The following DSCAM variants were observed in gnomAD, a reference collection of about 807,000 sequenced individuals.
DSCAM encodes the protein cell adhesion molecule DSCAM.
A neutral mutation model predicts 217.7 loss-of-function variants in DSCAM; 47 were observed. That is an observed-to-expected ratio of 0.22 (90% confidence interval 0.17 to 0.28). The LOEUF (loss-of-function observed/expected upper bound fraction) is 0.28. Ranked by LOEUF, DSCAM falls within the 10% of genes least tolerant of loss-of-function variation. The pLI, the probability that DSCAM is intolerant of heterozygous loss-of-function variation, is 1.00. For missense variants in DSCAM, 2,080 were observed against 2,618.3 expected (o/e 0.79, Z 4.49); for synonymous variants, 1,056 against 1,015.3 (o/e 1.04, Z -0.76).
At chr21:40,119,113 A>G (rs1345867202) in intron 20 of DSCAM, among the ~76,000 whole-genome samples, 1 of 152,220 alleles carries the variant, frequency 6.6e-6, no homozygotes, top group African/African-American at 2.4e-5. Context: ...TGAAAGAAAA[A>G]TAAAACCATT....
chr21:40,094,233 C>T (rs2089648875), intron 20 of DSCAM, among the ~76,000 whole-genome samples: 1 of 152,154 alleles, frequency 6.6e-6, no homozygotes, highest in African/African-American at 2.4e-5. Flanking sequence ...AAGCATTGCA[C>T]ATCAGGTAAT....
chr21:40,625,411 C>T (rs2089587089), intron 3 of DSCAM, among the ~76,000 whole-genome samples: 2 of 152,034 alleles, frequency 1.3e-5, no homozygotes, highest in Non-Finnish European at 1.5e-5. Flanking sequence ...CAACAAAGGC[C>T]CACCATCCTG....
At chr21:40,372,688 T>C (rs1364909696) in intron 3 of DSCAM, among the ~76,000 whole-genome samples, 1 of 152,204 alleles carries the variant, frequency 6.6e-6, no homozygotes, top group African/African-American at 2.4e-5. Context: ...TATCCAGCTG[T>C]TATATGTTAC....
intron 1 of DSCAM, among the ~76,000 whole-genome samples, chr21:40,806,678 C>G (rs2091790432): frequency 6.6e-6 from 1 of 152,176 alleles, no homozygotes; most frequent in African/African-American, 2.4e-5. Flanking sequence ...TATTGCGGCA[C>G]TGTTCACAAT....
intron 3 of DSCAM, among the ~76,000 whole-genome samples, chr21:40,374,256 C>T (rs370305994): frequency 8.6e-4 from 131 of 152,212 alleles, no homozygotes; most frequent in African/African-American, 3.0e-3. Flanking sequence ...CTAGTAAATG[C>T]CATGTTTGTT....
chr21:40,095,469 C>T (rs943263350), intron 20 of DSCAM, among the ~76,000 whole-genome samples: 1 of 152,134 alleles, frequency 6.6e-6, no homozygotes. Flanking sequence ...ATTTGTGATT[C>T]TCTTCATTTA....
chr21:40,084,763 T>C (rs948769156), intron 23 of DSCAM, among the ~76,000 whole-genome samples: 1 of 152,146 alleles, frequency 6.6e-6, no homozygotes, highest in South Asian at 2.1e-4. Context: ...TATATTGACC[T>C]ATCTCTTCAG....
intron 3 of DSCAM, among the ~76,000 whole-genome samples, chr21:40,683,445 GA>G (rs1211754577): frequency 6.6e-6 from 1 of 152,088 alleles, no homozygotes; most frequent in Admixed American, 6.5e-5. Context: ...AAAGAAAAAA[GA>G]AAGAAGGAAG....
In DSCAM at chr21:40,429,029, G is replaced by C. The variant is rs531317568; in HGVS notation, c.509-59784C>G. On this transcript the variant is annotated intron_variant, in intron 3 of 32. Transcript: ENST00000400454. ...GAGTACATACTGTATAGGAGGCTCT[G>C]AGCTTGCTAGGCAAGGGAGATGAAC... Among the ~76,000 whole-genome samples, 22 of 151,546 alleles carry C rather than the reference G, an allele frequency of 1.5e-4. 2 individuals carry two copies. The South Asian group carries it at 3.9e-3, about 27-fold the overall frequency.
chr21:40,403,713 C>T (rs1206293200), intron 3 of DSCAM, among the ~76,000 whole-genome samples: 1 of 151,480 alleles, frequency 6.6e-6, no homozygotes, highest in Non-Finnish European at 1.5e-5. Flanking sequence ...CATGAGGCTA[C>T]CAATGACAAA....
chr21:40,638,539 TAGAC>T (rs895153323), intron 3 of DSCAM, among the ~76,000 whole-genome samples: 2 of 152,138 alleles, frequency 1.3e-5, no homozygotes, highest in African/African-American at 4.8e-5. Context: ...AAATATAAGA[TAGAC>T]AGTCACAATT....
intron 3 of DSCAM, among the ~76,000 whole-genome samples, chr21:40,554,627 T>C (rs2076656741): frequency 6.6e-6 from 1 of 152,210 alleles, no homozygotes; most frequent in African/African-American, 2.4e-5. Flanking sequence ...TCCACTCACA[T>C]AGAGGGAGAC....
chr21:40,131,762 G>C (rs983033371), intron 19 of DSCAM, among the ~76,000 whole-genome samples: 3 of 152,320 alleles, frequency 2.0e-5, no homozygotes, highest in African/African-American at 7.2e-5. Flanking sequence ...CAGCAAAAGT[G>C]GGATTCATGG....
chr21:40,754,806 C>CA (rs367794391), intron 1 of DSCAM, among the ~76,000 whole-genome samples: 311 of 152,304 alleles, frequency 2.0e-3, no homozygotes, highest in African/African-American at 6.4e-3. Context: ...CCTTCACACA[C>CA]GGAGTTGATG....
chr21:40,623,898 A>T (rs1234636421), intron 3 of DSCAM, among the ~76,000 whole-genome samples: 1 of 152,214 alleles, frequency 6.6e-6, no homozygotes, highest in Non-Finnish European at 1.5e-5. Flanking sequence ...TTTGATAATG[A>T]TATTCACCAT....
Position 40,376,442 on chromosome 21 carries a change from TATATAG to T in DSCAM, c.509-7203_509-7198del, listed in dbSNP as rs1416556466. 1.7e-4 allele frequency among the ~76,000 whole-genome samples: 25 copies of T among 144,738 alleles called. 2 individuals are homozygous for T. The highest frequency in any genetic ancestry group is 5.6e-4 in the African/African-American group (22 of 39,590). 95.0% of individuals were successfully genotyped at this position (144,738 alleles called of 152,430 possible). ...ATCTTATATAGATATCTATATATCT[TATATAG>T]ATATCTATATATCTTATATAGATAT... On this transcript the variant is annotated intron_variant, in intron 3 of 32. Coordinates refer to ENST00000400454, the MANE Select transcript of DSCAM (RefSeq NM_001389.5).
At chr21:40,085,276 C>T (rs1368235385) in intron 23 of DSCAM, among the ~76,000 whole-genome samples, 1 of 152,080 alleles carries the variant, frequency 6.6e-6, no homozygotes, top group Non-Finnish European at 1.5e-5. Context: ...GATACACTTA[C>T]ATATATGTAG....
At chr21:40,374,204 G>GA (rs1247976094) in intron 3 of DSCAM, among the ~76,000 whole-genome samples, 3 of 151,902 alleles carry the variant, frequency 2.0e-5, no homozygotes, top group Non-Finnish European at 2.9e-5. Flanking sequence ...CTTTTCAATT[G>GA]AAAAAAATAT....
intron 11 of DSCAM, among the ~76,000 whole-genome samples, chr21:40,209,366 G>A (rs1349635465): frequency 6.6e-6 from 1 of 152,168 alleles, no homozygotes; most frequent in African/African-American, 2.4e-5. Context: ...TTTCATAGAC[G>A]TTGCATGGCG....
Sources: allele counts gnomAD v4.1 joint callset (sites outside exome capture counted in the v4.1 genomes callset), GRCh38; gene constraint gnomAD v4.1.1; transcripts MANE v1.5; gene names NCBI Gene and HGNC (gene_info 2026-07-23, HGNC 2026-07-21).